Variants in SVOPL observed in about 807,000 individuals in gnomAD.
The protein encoded by SVOPL is SVOP like.
Under a neutral mutation model 61.0 loss-of-function variants are expected in SVOPL, and 60 were observed. The ratio of observed to expected loss-of-function variants is 0.98; its 90% CI spans 0.80 to 1.22. The LOEUF is 1.22. Among genes scored for constraint, SVOPL ranks in the 50% most tolerant of loss-of-function variants. The pLI, the probability that SVOPL is intolerant of heterozygous loss-of-function variation, is 0.00. For missense variants in SVOPL, 662 were observed against 643.9 expected, an observed-to-expected ratio of 1.03 and a Z score of -0.30; for synonymous variants, 279 against 250.0, an observed-to-expected ratio of 1.12 and a Z score of -1.09.
chr7:138,679,309 G>A (rs1281318284), intron 1 of SVOPL, among the ~76,000 whole-genome samples: 2 of 151,970 alleles, frequency 1.3e-5, no homozygotes, highest in Non-Finnish European at 2.9e-5. Flanking sequence ...TCGCTCTGTT[G>A]CCCAGGTTGG....
intron 10 of SVOPL, among the ~76,000 whole-genome samples, chr7:138,629,535 C>G (rs1258631257): frequency 6.6e-6 from 1 of 152,178 alleles, no homozygotes; most frequent in African/African-American, 2.4e-5. Flanking sequence ...AGCCACCGTA[C>G]CCGGCCTTCT....
intron 14 of SVOPL, among the ~76,000 whole-genome samples, chr7:138,604,780 G>A (rs973162850): frequency 1.3e-4 from 19 of 151,156 alleles, no homozygotes; most frequent in Admixed American, 1.2e-3. Flanking sequence ...AGAAATTAGT[G>A]CAATGGAAAT....
chr7:138,622,156 A>ATCTATGTATCTG (rs1799661671), intron 13 of SVOPL, among the ~76,000 whole-genome samples: 2 of 63,694 alleles, frequency 3.1e-5, no homozygotes, highest in African/African-American at 1.1e-4. Flanking sequence ...CTATGTATCT[A>ATCTATGTATCTG]TCTGTCTATG....
chr7:138,618,111 T>G (rs2041016560), intron 14 of SVOPL, among the ~76,000 whole-genome samples: 1 of 152,134 alleles, frequency 6.6e-6, no homozygotes, highest in African/African-American at 2.4e-5. Flanking sequence ...AATCTAAACC[T>G]GTTAAGGAAA....
intron 9 of SVOPL, 40 bp from the exon 10 acceptor site, chr7:138,630,162 T>C (rs368556179): frequency 4.6e-6 from 7 of 1,507,672 alleles, no homozygotes; most frequent in Non-Finnish European, 6.5e-6. Context: ...CTCAGCAGCT[T>C]AAGGATGAAC....
chr7:138,673,231 C>A (rs552615640), intron 3 of SVOPL, among the ~76,000 whole-genome samples: 226 of 152,268 alleles, frequency 1.5e-3, no homozygotes, highest in African/African-American at 5.1e-3. Context: ...TGTCAGCCAG[C>A]GTGTGGGACT....
intron 9 of SVOPL, among the ~76,000 whole-genome samples, chr7:138,643,303 T>C (rs1389357142): frequency 1.3e-5 from 2 of 151,486 alleles, no homozygotes; most frequent in Non-Finnish European, 2.9e-5. Flanking sequence ...CAGGCGCCTG[T>C]AGTCCCAGCT....
Position 138,655,640 on chromosome 7 carries a change from TTA to T in SVOPL, c.534+806_534+807del, listed in dbSNP as rs570926828. ...TGTGCATATAAATGTATATATACTATTATATATATATTATACTAATATATTTA... is the reference window on the plus strand; with the variant it reads ...TGTGCATATAAATGTATATATACTATTATATATATTATACTAATATATTTA... On this transcript the variant is annotated intron_variant, in intron 7 of 15. Transcript: ENST00000674285. Among the ~76,000 whole-genome samples the T allele has an allele frequency of 7.5e-3, 435 of 57,890 alleles. 3 individuals carry two copies. Among genetic ancestry groups the T allele is most frequent in the African/African-American group, 0.018 (398 of 21,762 alleles). The allele number at this position is 57,890 out of a possible 152,430, so 38.0% of individuals were successfully genotyped here.
At chr7:138,597,281 GA>G (rs1274762671) in intron 14 of SVOPL, 2 of 1,227,210 alleles carry the variant, frequency 1.6e-6, no homozygotes, top group East Asian at 1.1e-4. Context: ...TTATAATTTA[GA>G]AAGACCTAGA....
At chr7:138,667,734 T>A (rs1049454709) in intron 4 of SVOPL, among the ~76,000 whole-genome samples, 10 of 152,164 alleles carry the variant, frequency 6.6e-5, no homozygotes, top group African/African-American at 2.4e-4. Flanking sequence ...TAGCTGGTGT[T>A]CTTGAAACTG....
intron 7 of SVOPL, among the ~76,000 whole-genome samples, chr7:138,651,826 C>T (rs1323173849): frequency 6.6e-6 from 1 of 152,148 alleles, no homozygotes; most frequent in Non-Finnish European, 1.5e-5. Context: ...CCCTCAGATA[C>T]AACAGTATTG....
At chr7:138,666,079 C>T (rs920040078) in intron 4 of SVOPL, among the ~76,000 whole-genome samples, 6 of 152,264 alleles carry the variant, frequency 3.9e-5, no homozygotes, top group African/African-American at 1.4e-4. Flanking sequence ...CTACCTCGGA[C>T]TGATGCCACC....
chr7:138,654,500 GTTTT>G (rs71179717), intron 7 of SVOPL, among the ~76,000 whole-genome samples: 3 of 125,524 alleles, frequency 2.4e-5, no homozygotes, highest in African/African-American at 5.9e-5. Flanking sequence ...TACTGAGTTT[GTTTT>G]TTTTTTTTTT....
At position 138,626,002 on chromosome 7, in the gene SVOPL, T is replaced by G. The variant is rs1799875501; in HGVS notation, c.1230A>C (p.Ala410=). 6.2e-7 allele frequency: 1 copy of G among 1,614,112 alleles called. No homozygotes were observed. Among genetic ancestry groups the G allele is most frequent in the South Asian group, 1.1e-5 (1 of 91,076 alleles). The change falls in exon 13 of 16, where the codon GCA becomes GCC. Residue 410 remains alanine (A), a synonymous_variant. Coordinates refer to ENST00000674285, the MANE Select transcript of SVOPL (RefSeq NM_001139456.2). ...FLFMLRALVA[A]NFNTVYIYTA... Reference sequence around the variant, plus strand: ...TGTAAATGTAGACGGTGTTGAAGTTTGCAGCTACCAGAGCCCTCAGCATGA... The same window carrying G: ...TGTAAATGTAGACGGTGTTGAAGTTGGCAGCTACCAGAGCCCTCAGCATGA...
At chr7:138,662,937 A>T in intron 5 of SVOPL, 137 bp downstream of exon 5, 1 of 1,490,204 alleles carries the variant, frequency 6.7e-7, no homozygotes, top group South Asian at 1.4e-5. Flanking sequence ...GGAATGTTCC[A>T]TCAGGGAGGG....
intron 1 of SVOPL, among the ~76,000 whole-genome samples, chr7:138,698,038 A>G: frequency 6.6e-6 from 1 of 152,028 alleles, no homozygotes; most frequent in African/African-American, 2.4e-5. Flanking sequence ...GTAATGAAAA[A>G]GAGGAGAAGT....
chr7:138,686,594 T>C (rs527303345), intron 1 of SVOPL, among the ~76,000 whole-genome samples: 36 of 137,838 alleles, frequency 2.6e-4, no homozygotes, highest in African/African-American at 9.9e-4. Context: ...AGACAGATTT[T>C]CACTCTTTTT....
At chr7:138,637,672 C>T (rs564248195) in intron 9 of SVOPL, among the ~76,000 whole-genome samples, 1 of 152,200 alleles carries the variant, frequency 6.6e-6, no homozygotes, top group East Asian at 1.9e-4. Flanking sequence ...ACCAAATCGG[C>T]CAGACGTAGT....
At chr7:138,624,120 G>A (rs371680552) in intron 13 of SVOPL, among the ~76,000 whole-genome samples, 2 of 152,082 alleles carry the variant, frequency 1.3e-5, no homozygotes, top group East Asian at 3.8e-4. Context: ...GCACCCAGCC[G>A]ATTAATTTTT....
Sources: allele counts gnomAD v4.1 joint callset (sites outside exome capture counted in the v4.1 genomes callset), GRCh38; gene constraint gnomAD v4.1.1; transcripts MANE v1.5; gene names NCBI Gene and HGNC (gene_info 2026-07-23, HGNC 2026-07-21).